Variants in UBE2K observed in about 807,000 individuals in gnomAD.
UBE2K encodes ubiquitin-conjugating enzyme E2 K.
A neutral mutation model predicts 30.0 loss-of-function variants in UBE2K; 6 were observed. That is an observed-to-expected ratio of 0.20 (90% confidence interval 0.11 to 0.39). UBE2K has a LOEUF of 0.39. Among genes scored for constraint, UBE2K ranks in the 10% least tolerant of loss-of-function variants. The probability of loss-of-function intolerance (pLI) is 1.00; values close to 1 mark genes in which losing one functional copy is unlikely to be tolerated. For missense variants in UBE2K, 61 were observed against 241.6 expected, an observed-to-expected ratio of 0.25 and a Z score of 4.96; for synonymous variants, 86 against 83.7, an observed-to-expected ratio of 1.03 and a Z score of -0.15.
intron 1 of UBE2K, among the ~76,000 whole-genome samples, chr4:39,715,164 T>C (rs964053378): frequency 4.6e-5 from 7 of 151,812 alleles, no homozygotes; most frequent in African/African-American, 9.7e-5. Flanking sequence ...TAGCTGGGAC[T>C]ACAGGCGCCC....
At chr4:39,728,766 G>A (rs1482423124) in intron 1 of UBE2K, among the ~76,000 whole-genome samples, 1 of 151,518 alleles carries the variant, frequency 6.6e-6, no homozygotes, top group Non-Finnish European at 1.5e-5. Context: ...AGCCTCCGGA[G>A]TAGCTGGGAC....
chr4:39,731,772 C>A (rs1720087306), intron 1 of UBE2K, among the ~76,000 whole-genome samples: 1 of 152,014 alleles, frequency 6.6e-6, no homozygotes, highest in African/African-American at 2.4e-5. Flanking sequence ...AAAATAATGG[C>A]AACTGTTAAG....
intron 4 of UBE2K, among the ~76,000 whole-genome samples, chr4:39,766,759 C>A (rs1712365852): frequency 6.6e-6 from 1 of 151,810 alleles, no homozygotes; most frequent in South Asian, 2.1e-4. Flanking sequence ...TTCTTTCTTT[C>A]TTTTTTTCGA....
Position 39,733,612 on chromosome 4 carries a change from C to G in UBE2K, c.64-3808C>G, listed in dbSNP as rs138630497. Among the ~76,000 whole-genome samples, 1,056 of 152,174 alleles carry G rather than the reference C, an allele frequency of 6.9e-3. 14 individuals carry two copies. The highest frequency in any genetic ancestry group is 0.024 in the African/African-American group (998 of 41,508). On this transcript the variant is annotated intron_variant, in intron 1 of 6. Coordinates refer to ENST00000261427, the MANE Select transcript of UBE2K (RefSeq NM_005339.5). ...CCTCCCAAAGTGTTGGGATTACAGT[C>G]GTGAGCCACTGCACCCAGCCAAATT...
intron 5 of UBE2K, among the ~76,000 whole-genome samples, chr4:39,776,309 CT>C (rs1713280669): frequency 6.6e-6 from 1 of 152,212 alleles, no homozygotes; most frequent in Non-Finnish European, 1.5e-5. Context: ...CCATAGGTCA[CT>C]TTTAAAAAAT....
intron 2 of UBE2K, among the ~76,000 whole-genome samples, chr4:39,741,050 A>G (rs1720676117): frequency 6.6e-6 from 1 of 152,048 alleles, no homozygotes; most frequent in East Asian, 1.9e-4. Flanking sequence ...AAGCAGGTGG[A>G]TCACGAGGTC....
chr4:39,726,933 T>C (rs546298349), intron 1 of UBE2K, among the ~76,000 whole-genome samples: 2 of 152,322 alleles, frequency 1.3e-5, no homozygotes, highest in South Asian at 4.1e-4. Context: ...TTCTGAGTTA[T>C]TTTGCAGCAA....
In UBE2K at chr4:39,757,011, G is replaced by GTT. The variant is rs1354761879; in HGVS notation, c.299+1277_299+1278dup. Among the ~76,000 whole-genome samples the GTT allele has an allele frequency of 9.7e-3, 746 of 76,688 alleles. 56 individuals carry two copies. The highest frequency in any genetic ancestry group is 0.017 in the South Asian group (38 of 2,232). 50.3% of individuals were successfully genotyped at this position (76,688 alleles called of 152,430 possible). On this transcript the variant is annotated intron_variant, in intron 4 of 6. Coordinates refer to ENST00000261427, the MANE Select transcript of UBE2K (RefSeq NM_005339.5). ...ATGTTTTTTTGGGTGTTTTTTTTTT[G>GTT]TTTTTTGTTTTTTGTTTTTTGTTTT...
chr4:39,713,624 A>T (rs1183530168), intron 1 of UBE2K, among the ~76,000 whole-genome samples: 2 of 151,948 alleles, frequency 1.3e-5, no homozygotes, highest in African/African-American at 4.8e-5. Context: ...CAGTGGCATT[A>T]AGGACATTGT....
chr4:39,730,028 C>T (rs957877299), intron 1 of UBE2K, among the ~76,000 whole-genome samples: 5 of 152,132 alleles, frequency 3.3e-5, no homozygotes, highest in African/African-American at 1.2e-4. Flanking sequence ...ACTATTGATA[C>T]AGGTTAGAGA....
At chr4:39,764,872 T>A (rs1712209485) in intron 4 of UBE2K, among the ~76,000 whole-genome samples, 1 of 144,474 alleles carries the variant, frequency 6.9e-6, no homozygotes, top group Non-Finnish European at 1.5e-5. Flanking sequence ...GATTTTTGAA[T>A]CTCTAAGAAC....
chr4:39,743,549 A>G (rs1042272962), intron 2 of UBE2K, among the ~76,000 whole-genome samples: 2 of 151,402 alleles, frequency 1.3e-5, no homozygotes, highest in African/African-American at 4.9e-5. Context: ...GCTTGCAGTG[A>G]GCCGAGATCC....
intron 1 of UBE2K, among the ~76,000 whole-genome samples, chr4:39,733,419 A>G (rs141506335): frequency 0.018 from 2,504 of 141,168 alleles, 63 homozygotes; most frequent in African/African-American, 0.062. Context: ...TGCAACCTCC[A>G]CCTCCCAAGT....
rs569041872 is a variant in UBE2K at position 39,706,121 on chromosome 4, C to G, written c.63+7731C>G. On this transcript the variant is annotated intron_variant, in intron 1 of 6. Coordinates refer to ENST00000261427, the MANE Select transcript of UBE2K (RefSeq NM_005339.5). The stretch of plus-strand genomic sequence containing the variant: ...CCGCCTCTCAGGTTCATGCCATTCT[C>G]CTGCCTCAGCCTCCTGAGTAGCTGG... 1.9e-3 allele frequency among the ~76,000 whole-genome samples: 290 copies of G among 152,250 alleles called. 2 individuals are homozygous for G. Among genetic ancestry groups the G allele is most frequent in the Non-Finnish European group, 3.4e-3 (231 of 67,982 alleles).
intron 1 of UBE2K, among the ~76,000 whole-genome samples, chr4:39,713,647 A>G (rs1175380286): frequency 6.6e-6 from 1 of 151,896 alleles, no homozygotes; most frequent in Admixed American, 6.6e-5. Context: ...AGCTATCACC[A>G]CCATCCATCT....
Position 39,770,880 on chromosome 4 carries a change from A to C in UBE2K, c.300-3954A>C. 3 of 1,537,970 alleles carry C rather than the reference A, an allele frequency of 2.0e-6. No homozygotes were observed. The South Asian group carries it at 3.8e-5, about 19-fold the overall frequency. ...GGCTTTCAGCTCCAAGTCCTCATCC[A>C]GTGGGAACTCCAGCTTCACTGGCCG... On this transcript the variant is annotated intron_variant, in intron 4 of 6. Transcript: ENST00000261427.
At chr4:39,717,418 A>G (rs919548305) in intron 1 of UBE2K, among the ~76,000 whole-genome samples, 25 of 151,990 alleles carry the variant, frequency 1.6e-4, no homozygotes, top group African/African-American at 5.8e-4. Context: ...TTAAGTACAG[A>G]CAGGGTTTCA....
intron 4 of UBE2K, chr4:39,770,749 C>G: frequency 6.3e-7 from 1 of 1,583,584 alleles, no homozygotes; most frequent in East Asian, 2.2e-5. Flanking sequence ...ATGCCCAGGC[C>G]CCCTCCCAGG....
chr4:39,769,643 C>G (rs1303657138), intron 4 of UBE2K, among the ~76,000 whole-genome samples: 1 of 151,802 alleles, frequency 6.6e-6, no homozygotes, highest in Non-Finnish European at 1.5e-5. Context: ...TAAGCAGGAG[C>G]ATGTCCTCCT....
Sources: allele counts gnomAD v4.1 joint callset (sites outside exome capture counted in the v4.1 genomes callset), GRCh38; gene constraint gnomAD v4.1.1; transcripts MANE v1.5; gene names NCBI Gene and HGNC (gene_info 2026-07-23, HGNC 2026-07-21).